CSGALNACT1: variants seen among roughly 807,000 people sequenced by gnomAD.
CSGALNACT1 encodes chondroitin sulfate N-acetylgalactosaminyltransferase 1, also known as beta4GalNAcT-1.
In CSGALNACT1, 52 loss-of-function variants were observed where a neutral mutation model predicts 51.0. The observed-to-expected ratio is 1.02, with a 90% CI of 0.82 to 1.29. CSGALNACT1 has a LOEUF of 1.29. Ranked by LOEUF, CSGALNACT1 falls within the 50% of genes most tolerant of loss-of-function variation. The pLI is 0.00. For missense variants in CSGALNACT1, 935 were observed against 679.2 expected, an observed-to-expected ratio of 1.38 and a Z score of -4.19; for synonymous variants, 341 against 254.4, an observed-to-expected ratio of 1.34 and a Z score of -3.24.
chr8:19,746,650 T>C (rs1465143375), intron 1 of CSGALNACT1, among the ~76,000 whole-genome samples: 1 of 152,238 alleles, frequency 6.6e-6, no homozygotes, highest in African/African-American at 2.4e-5. Context: ...TTTCTGTTGA[T>C]ATATTTTTGC....
chr8:19,670,298 T>C (rs77039534), intron 1 of CSGALNACT1, among the ~76,000 whole-genome samples: 2,366 of 152,272 alleles, frequency 0.016, 70 homozygotes, highest in African/African-American at 0.053. Context: ...TTTTGTGGAA[T>C]TGAATAATCT....
chr8:19,680,573 C>CT (rs2060533791), intron 1 of CSGALNACT1, among the ~76,000 whole-genome samples: 1 of 102,344 alleles, frequency 9.8e-6, no homozygotes, highest in African/African-American at 3.8e-5. Context: ...CACCCCCCCC[C>CT]CCCCCCACAA....
chr8:19,432,011 C>A (rs1327995524), intron 6 of CSGALNACT1, among the ~76,000 whole-genome samples: 1 of 151,940 alleles, frequency 6.6e-6, no homozygotes, highest in Non-Finnish European at 1.5e-5. Flanking sequence ...GAGTCACAAA[C>A]AAAAATACAT....
chr8:19,603,937 T>A (rs1316455372), upstream of CSGALNACT1, among the ~76,000 whole-genome samples: 1 of 152,214 alleles, frequency 6.6e-6, no homozygotes, highest in Admixed American at 6.5e-5. Context: ...AGTTTTCTCA[T>A]CTACACACAG....
chr8:19,550,147 C>T (rs914448121), intron 3 of CSGALNACT1, among the ~76,000 whole-genome samples: 2 of 151,916 alleles, frequency 1.3e-5, no homozygotes, highest in South Asian at 2.1e-4. Context: ...TGAAACTTTG[C>T]TTTTTTAGGT....
intron 1 of CSGALNACT1, among the ~76,000 whole-genome samples, chr8:19,735,532 C>G (rs1217467141): frequency 6.6e-6 from 1 of 151,696 alleles, no homozygotes; most frequent in Non-Finnish European, 1.5e-5. Flanking sequence ...AACCATGCTG[C>G]AAAATTACAT....
At chr8:19,448,627 G>T (rs2062557592) in intron 5 of CSGALNACT1, among the ~76,000 whole-genome samples, 1 of 152,164 alleles carries the variant, frequency 6.6e-6, no homozygotes. Flanking sequence ...GACTGAGGAG[G>T]AGGGGGATCC....
chr8:19,488,888 A>C lies in CSGALNACT1; in HGVS notation c.634+16313T>G, dbSNP rs79061005. ...AGCATCGGGATGGGATTGTCTCATC[A>C]ATTTTCCCTGCTCATGAGTCACAGC... On this transcript the variant is annotated intron_variant, in intron 4 of 9. Transcript: ENST00000454498. 4.2e-3 allele frequency among the ~76,000 whole-genome samples: 638 copies of C among 152,308 alleles called. 7 individuals are homozygous for C. Among genetic ancestry groups the C allele is most frequent in the African/African-American group, 0.015 (611 of 41,570 alleles).
intron 6 of CSGALNACT1, among the ~76,000 whole-genome samples, chr8:19,422,618 T>C (rs935669182): frequency 6.6e-6 from 1 of 152,252 alleles, no homozygotes; most frequent in African/African-American, 2.4e-5. Flanking sequence ...TTCTGTGTGT[T>C]GCATTGAAGT....
At chr8:19,678,895 G>A (rs1388141876) in intron 1 of CSGALNACT1, 1 of 152,148 alleles carries the variant, frequency 6.6e-6, no homozygotes, top group Non-Finnish European at 1.5e-5. Context: ...AACAATAATA[G>A]AAACCAATGC....
rs943103361 is a variant in CSGALNACT1, at chr8:19,653,787, T to C, written c.-544+28686A>G. 4.8e-5 allele frequency among the ~76,000 whole-genome samples: 6 copies of C among 124,150 alleles called. No homozygotes were observed. The Admixed American group carries it at 4.9e-4, about 10-fold the overall frequency. 81.4% of individuals were successfully genotyped at this position (124,150 alleles called of 152,430 possible). ...CACTCCAGCATGGGTGAATGAATGATACCTTGTCTTAAAAAAAAAAAAAAT... is the reference window on the plus strand; with the variant it reads ...CACTCCAGCATGGGTGAATGAATGACACCTTGTCTTAAAAAAAAAAAAAAT... On this transcript the variant is annotated intron_variant, in intron 1 of 9. Transcript: ENST00000332246.
intron 6 of CSGALNACT1, among the ~76,000 whole-genome samples, chr8:19,424,634 G>A (rs2058493712): frequency 6.6e-6 from 1 of 152,154 alleles, no homozygotes; most frequent in African/African-American, 2.4e-5. Flanking sequence ...AGGAGGAATT[G>A]GCTTCTTCAA....
chr8:19,545,261 TC>T (rs900228009), intron 3 of CSGALNACT1, among the ~76,000 whole-genome samples: 1 of 152,210 alleles, frequency 6.6e-6, no homozygotes, highest in Admixed American at 6.6e-5. Flanking sequence ...AATGAGGATG[TC>T]CTTGTGGTTG....
intron 5 of CSGALNACT1, among the ~76,000 whole-genome samples, chr8:19,454,632 C>A (rs1195484292): frequency 1.3e-5 from 2 of 152,174 alleles, no homozygotes; most frequent in African/African-American, 4.8e-5. Flanking sequence ...GGTTCTGCCA[C>A]TGCACTCCAG....
intron 1 of CSGALNACT1, among the ~76,000 whole-genome samples, chr8:19,609,956 C>G (rs982155917): frequency 6.6e-6 from 1 of 151,994 alleles, no homozygotes; most frequent in African/African-American, 2.4e-5. Context: ...CACGGTGGCT[C>G]ACGCCTGTAA....
chr8:19,457,850 T>C lies in CSGALNACT1; in HGVS notation c.851+576A>G, dbSNP rs763675284. 3 of 1,327,906 alleles carry C rather than the reference T, an allele frequency of 2.3e-6. No individual in the cohort carries two copies. The South Asian group carries it at 3.5e-5, about 15-fold the overall frequency. The allele number at this position is 1,327,906 out of a possible 1,614,324, so 82.3% of individuals were successfully genotyped here. A position where few individuals can be genotyped will look rare whatever the true frequency, so the allele number is the denominator to read the frequency against. ...TGAAACCCAGCTTAGTCTCATTGAG[T>C]AGCTACAAAAATGTGGGCTTGAAAC... On this transcript the variant is annotated intron_variant, in intron 5 of 9. Coordinates refer to ENST00000454498, the Ensembl canonical transcript of CSGALNACT1.
At chr8:19,417,913 C>G (rs2057203235) in intron 8 of CSGALNACT1, among the ~76,000 whole-genome samples, 1 of 152,210 alleles carries the variant, frequency 6.6e-6, no homozygotes, top group East Asian at 1.9e-4. Flanking sequence ...TCTGGCTTGC[C>G]TTTCCTCCTG....
intron 3 of CSGALNACT1, among the ~76,000 whole-genome samples, chr8:19,569,631 T>C (rs949195805): frequency 6.6e-6 from 1 of 152,190 alleles, no homozygotes; most frequent in Non-Finnish European, 1.5e-5. Flanking sequence ...CTCACATACA[T>C]TGCTGGTAGA....
intron 3 of CSGALNACT1, among the ~76,000 whole-genome samples, chr8:19,535,765 G>C (rs998757091): frequency 2.4e-4 from 36 of 152,220 alleles, no homozygotes; most frequent in Non-Finnish European, 4.4e-4. Context: ...AAAAACATTT[G>C]AAAAACTTCA....
Sources: allele counts gnomAD v4.1 joint callset (sites outside exome capture counted in the v4.1 genomes callset), GRCh38; gene constraint gnomAD v4.1.1; transcripts MANE v1.5; gene names NCBI Gene and HGNC (gene_info 2026-07-23, HGNC 2026-07-21).